CHST11: variants seen among roughly 807,000 people sequenced by gnomAD.
CHST11 encodes carbohydrate sulfotransferase 11.
CHST11 carries 9 observed loss-of-function variants against 30.4 expected under a neutral mutation model. That is an observed-to-expected ratio of 0.30 (90% CI 0.18 to 0.52). The LOEUF is 0.52. Ranked by LOEUF, CHST11 falls within the 20% of genes least tolerant of loss-of-function variation. The pLI, the probability that CHST11 is intolerant of heterozygous loss-of-function variation, is 0.97. For missense variants in CHST11, 348 were observed against 460.6 expected (o/e 0.76, Z 2.24); for synonymous variants, 152 against 187.8 (o/e 0.81, Z 1.56).
chr12:104,630,993 G>A (rs2039264608), intron 2 of CHST11, among the ~76,000 whole-genome samples: 1 of 152,132 alleles, frequency 6.6e-6, no homozygotes, highest in Non-Finnish European at 1.5e-5. Flanking sequence ...ACGTGAACAG[G>A]GTTATTAGGT....
chr12:104,642,974 T>C (rs2039391863), intron 2 of CHST11, among the ~76,000 whole-genome samples: 2 of 152,218 alleles, frequency 1.3e-5, no homozygotes, highest in South Asian at 4.1e-4. Context: ...CACATTGTCA[T>C]ACCAATTAGA....
chr12:104,479,243 A>G (rs1434644996), intron 1 of CHST11, among the ~76,000 whole-genome samples: 2 of 151,710 alleles, frequency 1.3e-5, no homozygotes, highest in African/African-American at 4.8e-5. Flanking sequence ...CTAGCATGTG[A>G]TTGTTCATGC....
chr12:104,457,640 T>A, intron 1 of CHST11, 111 bp downstream of exon 1: 1 of 819,904 alleles, frequency 1.2e-6, no homozygotes, highest in South Asian at 1.4e-5. Flanking sequence ...CTTCGGCCTC[T>A]TCGGGGCTCC....
chr12:104,687,793 T>G (rs1483203911), intron 2 of CHST11, among the ~76,000 whole-genome samples: 1 of 152,152 alleles, frequency 6.6e-6, no homozygotes, highest in African/African-American at 2.4e-5. Flanking sequence ...CCAAAATTTT[T>G]TTTTCCCTTT....
Position 104,757,609 on chromosome 12 carries a change from G to C in CHST11, c.865G>C (p.Val289Leu). The C allele has an allele frequency of 6.2e-7, 1 of 1,614,074 alleles. No individual in the cohort carries two copies. Among genetic ancestry groups the C allele is most frequent in the Non-Finnish European group, 8.5e-7 (1 of 1,179,996 alleles). Residue 289 changes from valine (V) to leucine (L), a missense_variant, in exon 3 of 3, where the codon GTC becomes CTC. Physicochemically the swap from Val to Leu is conservative, Grantham distance 32. Around this residue, in one of 3 missense-constraint regions of CHST11, gnomAD observed 210 missense variants for 287.2 expected, o/e 0.73. Transcript: ENST00000303694. The surrounding 1 kb of genome is among the most constrained non-coding windows in gnomAD (Gnocchi z 6.5). ...YETLEEDSNY[V>L]LQLAGVGSYL... ...GACACTGGAAGAGGATTCTAATTACGTCCTGCAGCTGGCAGGAGTGGGCAG... is the reference window on the plus strand; with the variant it reads ...GACACTGGAAGAGGATTCTAATTACCTCCTGCAGCTGGCAGGAGTGGGCAG...
At chr12:104,608,048 G>A (rs1164401133) in intron 2 of CHST11, among the ~76,000 whole-genome samples, 2 of 152,076 alleles carry the variant, frequency 1.3e-5, no homozygotes, top group East Asian at 3.9e-4. Context: ...TGACCAGTGC[G>A]CAGGCCTCAC....
chr12:104,624,966 C>T (rs762492818), intron 2 of CHST11, among the ~76,000 whole-genome samples: 14 of 152,178 alleles, frequency 9.2e-5, no homozygotes, highest in South Asian at 2.1e-4. Context: ...GTTAGGGTCC[C>T]GCCTTTATGA....
intron 1 of CHST11, among the ~76,000 whole-genome samples, chr12:104,508,969 A>G (rs965158575): frequency 1.3e-5 from 2 of 152,050 alleles, no homozygotes; most frequent in African/African-American, 4.8e-5. Flanking sequence ...CATCACCACC[A>G]TCACCCCAGC....
chr12:104,529,333 T>A (rs528674018), intron 1 of CHST11, among the ~76,000 whole-genome samples: 9 of 152,342 alleles, frequency 5.9e-5, no homozygotes, highest in African/African-American at 2.2e-4. Flanking sequence ...CCTTTTTCCA[T>A]CCCTGGCCCT....
intron 1 of CHST11, among the ~76,000 whole-genome samples, chr12:104,560,840 T>C (rs2038506308): frequency 6.6e-6 from 1 of 152,248 alleles, no homozygotes; most frequent in African/African-American, 2.4e-5. Context: ...ATTCTGGGTC[T>C]CTTGGAATTA....
At chr12:104,756,532 GGTGT>G (rs113577198) in intron 2 of CHST11, among the ~76,000 whole-genome samples, 22 of 143,390 alleles carry the variant, frequency 1.5e-4, no homozygotes, top group East Asian at 4.1e-4. Flanking sequence ...ATCCATGTGG[GGTGT>G]GTGTGTGTGT....
intron 1 of CHST11, among the ~76,000 whole-genome samples, chr12:104,577,115 G>A (rs1436664272): frequency 6.6e-6 from 1 of 152,066 alleles, no homozygotes; most frequent in African/African-American, 2.4e-5. Flanking sequence ...CTCAGGGCCA[G>A]GGCAAAGGTT....
chr12:104,475,415 T>C (rs1249046846), intron 1 of CHST11, among the ~76,000 whole-genome samples: 1 of 151,862 alleles, frequency 6.6e-6, no homozygotes, highest in East Asian at 1.9e-4. Flanking sequence ...GGAAGGAACA[T>C]TTGAGCTGGG....
At chr12:104,495,255 G>A (rs28629798) in intron 1 of CHST11, among the ~76,000 whole-genome samples, 14,559 of 152,222 alleles carry the variant, frequency 0.096, 753 homozygotes, top group Middle Eastern at 0.15. Flanking sequence ...TGTCTTGGCT[G>A]TTGTGGATAC....
chr12:104,553,743 T>A (rs1481303668), intron 1 of CHST11, among the ~76,000 whole-genome samples: 6 of 152,214 alleles, frequency 3.9e-5, no homozygotes, highest in Admixed American at 3.9e-4. Flanking sequence ...CATTGCGAAT[T>A]ACAATTCAGC....
chr12:104,642,297 G>C (rs926216963), intron 2 of CHST11, among the ~76,000 whole-genome samples: 1 of 152,058 alleles, frequency 6.6e-6, no homozygotes, highest in African/African-American at 2.4e-5. Flanking sequence ...ATGCTCATGA[G>C]ACATACATGA....
chr12:104,658,875 G>A (rs763738759), intron 2 of CHST11, among the ~76,000 whole-genome samples: 4 of 152,228 alleles, frequency 2.6e-5, no homozygotes, highest in Non-Finnish European at 5.9e-5. Flanking sequence ...TATAAACAAG[G>A]GAACTGAGGC....
intron 2 of CHST11, among the ~76,000 whole-genome samples, chr12:104,711,239 C>T (rs981591120): frequency 1.3e-5 from 2 of 152,098 alleles, no homozygotes; most frequent in African/African-American, 4.8e-5. Context: ...GCCTGAAGTT[C>T]GCAGATGGAT....
chr12:104,464,079 T>C (rs2037435427), intron 1 of CHST11, among the ~76,000 whole-genome samples: 1 of 151,138 alleles, frequency 6.6e-6, no homozygotes, highest in Non-Finnish European at 1.5e-5. Flanking sequence ...TTTTTTTTTT[T>C]TTTTTTGAGG....
Sources: allele counts gnomAD v4.1 joint callset (sites outside exome capture counted in the v4.1 genomes callset), GRCh38; gene constraint gnomAD v4.1.1; regional missense constraint gnomAD v4.1.1; non-coding constraint Gnocchi (gnomAD v3.1); transcripts MANE v1.5; gene names NCBI Gene and HGNC (gene_info 2026-07-23, HGNC 2026-07-21).